ORC1: variants seen among roughly 807,000 people sequenced by gnomAD.
The protein encoded by ORC1 is origin recognition complex subunit 1.
Under a neutral mutation model 98.9 loss-of-function variants are expected in ORC1, and 61 were observed. The ratio of observed to expected loss-of-function variants is 0.62; its 90% confidence interval spans 0.50 to 0.76. The LOEUF is 0.76. ORC1 is among the 30% of genes least tolerant of loss of function. The pLI is 0.00. For missense variants in ORC1, 979 were observed against 1,072.2 expected (o/e 0.91, Z 1.21); for synonymous variants, 385 against 406.9 (o/e 0.95, Z 0.65).
upstream of ORC1, among the ~76,000 whole-genome samples, chr1:52,407,856 G>A (rs1424237688): frequency 2.0e-5 from 3 of 152,252 alleles, no homozygotes; most frequent in Non-Finnish European, 4.4e-5. Flanking sequence ...AGGAGTTTGA[G>A]ACTAGCCTGG....
chr1:52,386,497 C>G (rs1647144850), intron 8 of ORC1, among the ~76,000 whole-genome samples: 1 of 152,190 alleles, frequency 6.6e-6, no homozygotes, highest in Non-Finnish European at 1.5e-5. Context: ...TTCTTCCTTG[C>G]TCATGGCTTG....
In ORC1 at chr1:52,399,927, C is replaced by T. The variant is rs572009333; in HGVS notation, c.223+1435G>A. 8.5e-5 allele frequency among the ~76,000 whole-genome samples: 13 copies of T among 152,262 alleles called. No individual in the cohort carries two copies. In the South Asian group the frequency reaches 2.5e-3, roughly 29 times the overall value. On this transcript the variant is annotated intron_variant, in intron 3 of 16. Transcript: ENST00000371568. ...ATTACAGCATACGATTAGTATCACTCCGTACCAGCAATAGCTCCAACCGAA... is the reference window on the plus strand; with the variant it reads ...ATTACAGCATACGATTAGTATCACTTCGTACCAGCAATAGCTCCAACCGAA...
intron 16 of ORC1, among the ~76,000 whole-genome samples, chr1:52,373,858 C>T (rs146067211): frequency 1.6e-3 from 242 of 152,228 alleles, no homozygotes; most frequent in Middle Eastern, 6.8e-3. Flanking sequence ...TGGAAAAGCA[C>T]AAAGGCCTAG....
At chr1:52,377,428 T>A (rs1173062069) in intron 14 of ORC1, among the ~76,000 whole-genome samples, 1 of 152,060 alleles carries the variant, frequency 6.6e-6, no homozygotes, top group Non-Finnish European at 1.5e-5. Flanking sequence ...GCACATGCCA[T>A]CGCATTGGGC....
intron 8 of ORC1, among the ~76,000 whole-genome samples, chr1:52,386,401 C>T (rs187435638): frequency 2.6e-5 from 4 of 152,286 alleles, no homozygotes; most frequent in Admixed American, 6.5e-5. Context: ...CCATGGCCCA[C>T]GGTGCGGGAC....
At chr1:52,388,089 A>C (rs75784605) in intron 8 of ORC1, among the ~76,000 whole-genome samples, 3,312 of 152,174 alleles carry the variant, frequency 0.022, 107 homozygotes, top group African/African-American at 0.074. Flanking sequence ...GGACAACAAA[A>C]CTAACACCAC....
At position 52,393,506 on chromosome 1, in the gene ORC1, C is replaced by T. The variant is rs760121287; in HGVS notation, c.1019G>A (p.Ser340Asn). Reference protein sequence around the residue: ...IREERTLTPISGGQRSSVVPS... With the variant: ...IREERTLTPINGGQRSSVVPS... ...CACCACTGAAGATCTCTGTCCCCCA[C>T]TGATAGGGGTAAGTGTTCTCTCCTC... is the stretch of plus-strand genomic sequence containing the variant. The change falls in exon 6 of 17, where the codon AGT becomes AAT. Residue 340 changes from serine (S) to asparagine (N), a missense_variant. Physicochemically the swap from Ser to Asn is conservative, Grantham distance 46. Coordinates refer to ENST00000371568, the MANE Select transcript of ORC1 (RefSeq NM_004153.4). The T allele has an allele frequency of 3.7e-6, 6 of 1,613,976 alleles. No individual in the cohort carries two copies. In the African/African-American group the frequency reaches 6.7e-5, roughly 18 times the overall value.
chr1:52,405,038 G>A (rs1426618964), upstream of ORC1, among the ~76,000 whole-genome samples: 4 of 152,214 alleles, frequency 2.6e-5, no homozygotes, highest in African/African-American at 9.7e-5. Context: ...GCCTCGTCTT[G>A]TGTTGAGTAT....
At chr1:52,388,689 A>C in intron 7 of ORC1, 52 bp from the exon 8 acceptor site, 1 of 1,484,058 alleles carries the variant, frequency 6.7e-7, no homozygotes, top group South Asian at 1.1e-5. Flanking sequence ...TCTAAATAAG[A>C]AGAACTCTAT....
chr1:52,387,613 A>G (rs769185340), intron 8 of ORC1, among the ~76,000 whole-genome samples: 1 of 152,152 alleles, frequency 6.6e-6, no homozygotes, highest in Non-Finnish European at 1.5e-5. Flanking sequence ...ACCTGCCACC[A>G]TGCCTGGCTA....
At chr1:52,407,605 A>G (rs564331526), upstream of ORC1, among the ~76,000 whole-genome samples, 1 of 152,342 alleles carries the variant, frequency 6.6e-6, no homozygotes, top group Admixed American at 6.5e-5. Context: ...TTGTTATTAA[A>G]TATATCTTCT....
rs769149749 is a variant in ORC1, at chr1:52,393,718, C to T, written c.807G>A (p.Ser269=). ...ATCTCTTAGAAGGTGAGGTGATCTC[C>T]GAGAAGGCCACTTTCCGTTTTATTC... ...PGRIKRKVAF[S]EITSPSKRSQ... The change falls in exon 6 of 17, where the codon TCG becomes TCA. Residue 269 remains serine, a synonymous_variant. Coordinates refer to ENST00000371568, the MANE Select transcript of ORC1 (RefSeq NM_004153.4). 30 of 1,613,944 alleles carry T rather than the reference C, an allele frequency of 1.9e-5. No individual in the cohort carries two copies. Among genetic ancestry groups the T allele is most frequent in the South Asian group, 1.1e-4 (10 of 91,034 alleles).
At chr1:52,384,428 C>A (rs1322836525) in intron 11 of ORC1, 122 bp downstream of exon 11, 8 of 912,370 alleles carry the variant, frequency 8.8e-6, no homozygotes, top group Non-Finnish European at 1.3e-5. Flanking sequence ...GCTACCTCTA[C>A]AGAAAGGACA....
At chr1:52,379,239 G>T (rs933182720) in intron 14 of ORC1, among the ~76,000 whole-genome samples, 2 of 149,782 alleles carry the variant, frequency 1.3e-5, no homozygotes, top group Non-Finnish European at 1.5e-5. Context: ...CTAAAGTAGG[G>T]TATTTTTTTT....
At chr1:52,406,612 A>G (rs1008609589), upstream of ORC1, among the ~76,000 whole-genome samples, 2 of 152,234 alleles carry the variant, frequency 1.3e-5, no homozygotes, top group East Asian at 3.9e-4. Flanking sequence ...AACGTAATGC[A>G]TGCAGATCTC....
chr1:52,392,894 G>A, intron 6 of ORC1, among the ~76,000 whole-genome samples: 1 of 152,188 alleles, frequency 6.6e-6, no homozygotes, highest in East Asian at 1.9e-4. Context: ...AAGGGACTTT[G>A]GGGACTCGGG....
intron 6 of ORC1, among the ~76,000 whole-genome samples, chr1:52,390,774 C>T (rs554675736): frequency 7.8e-4 from 118 of 152,044 alleles, no homozygotes; most frequent in African/African-American, 2.6e-3. Context: ...TGCCTGTAAT[C>T]TCAGCTACTC....
At chr1:52,386,443 A>G (rs1647144236) in intron 8 of ORC1, among the ~76,000 whole-genome samples, 1 of 152,126 alleles carries the variant, frequency 6.6e-6, no homozygotes, top group Non-Finnish European at 1.5e-5. Context: ...TTTCCACTCC[A>G]AACCCCCAGG....
Position 52,388,624 on chromosome 1 carries a change from T to C in ORC1, c.1201A>G (p.Ser401Gly), listed in dbSNP as rs556908265. ...IRQQLRFLGN[S>G]KSDQEEKEIL... Reference sequence around the variant, plus strand: ...TCTTTCTCTTCTTGGTCACTTTTACTATTACCTAGAAACCTGAATGGTAGG... The same window carrying C: ...TCTTTCTCTTCTTGGTCACTTTTACCATTACCTAGAAACCTGAATGGTAGG... Residue 401 changes from serine (S) to glycine (G), a missense_variant, in exon 8 of 17, where the codon AGT becomes GGT. By Grantham distance (56) the Ser-to-Gly change is moderately conservative. Transcript: ENST00000371568. 8.4e-5 allele frequency: 135 copies of C among 1,613,778 alleles called. 2 individuals are homozygous for C. In the South Asian group the frequency reaches 1.2e-3, roughly 15 times the overall value.
Sources: gnomAD v4.1 joint callset for allele counts (sites outside exome capture counted in the v4.1 genomes callset) on GRCh38, gnomAD v4.1.1 for gene constraint, MANE v1.5 for transcripts, NCBI Gene and HGNC (gene_info 2026-07-23, HGNC 2026-07-21) for gene names.